The following MECOM variants were observed in gnomAD, a reference collection of about 807,000 sequenced individuals.
MECOM encodes histone-lysine N-methyltransferase MECOM.
Under a neutral mutation model 116.3 loss-of-function variants are expected in MECOM, and 13 were observed. That is an observed-to-expected ratio of 0.11 (90% CI 0.07 to 0.18). The LOEUF is 0.18. Among genes scored for constraint, MECOM ranks in the 10% least tolerant of loss-of-function variants. MECOM has a pLI of 1.00. For missense variants in MECOM, 1,299 were observed against 1,509.0 expected, an observed-to-expected ratio of 0.86 and a Z score of 2.31; for synonymous variants, 528 against 535.2, an observed-to-expected ratio of 0.99 and a Z score of 0.19.
chr3:169,590,159 CTAAG>C (rs1766239678), intron 1 of MECOM, among the ~76,000 whole-genome samples: 1 of 152,140 alleles, frequency 6.6e-6, no homozygotes, highest in African/African-American at 2.4e-5. Context: ...AAAACAAACT[CTAAG>C]TAAGCATTAG....
At chr3:169,423,962 CAT>C in intron 1 of MECOM, among the ~76,000 whole-genome samples, 1 of 152,204 alleles carries the variant, frequency 6.6e-6, no homozygotes, top group South Asian at 2.1e-4. Flanking sequence ...TGTGCCCTGA[CAT>C]AGTGGATGAT....
chr3:169,130,322 C>A (rs562559180), intron 4 of MECOM, among the ~76,000 whole-genome samples: 2 of 152,134 alleles, frequency 1.3e-5, no homozygotes, highest in Non-Finnish European at 2.9e-5. Context: ...CTCCTTGCTG[C>A]CGAAGAGCCC....
Position 169,116,504 on chromosome 3 carries a change from C to T in MECOM, c.1368G>A (p.Met456Ile), listed in dbSNP as rs1327639643. 1.9e-6 allele frequency: 3 copies of T among 1,614,180 alleles called. No homozygotes were observed. Among genetic ancestry groups the T allele is most frequent in the South Asian group, 2.2e-5 (2 of 91,082 alleles). The change falls in exon 8 of 17, where the codon ATG becomes ATA. Residue 456 changes from methionine to isoleucine, a missense_variant. Physicochemically the swap from Met to Ile is conservative, Grantham distance 10. Coordinates refer to ENST00000651503, the MANE Select transcript of MECOM (RefSeq NM_004991.4). The part of the protein sequence containing the change: ...PGTPAMDKTS[M>I]VNMSHANPGL... Reference sequence around the variant, plus strand: ...CCGGGTTGGCATGACTCATATTAACCATGGACGTTTTATCCATAGCTGGGG... The same window carrying T: ...CCGGGTTGGCATGACTCATATTAACTATGGACGTTTTATCCATAGCTGGGG...
chr3:169,086,565 C>G, intron 16 of MECOM: 4 of 701,366 alleles, frequency 5.7e-6, no homozygotes, highest in Non-Finnish European at 1.0e-5. Context: ...TTACTTTCCT[C>G]CTATAAAACA....
intron 1 of MECOM, among the ~76,000 whole-genome samples, chr3:169,487,109 A>C (rs1412233635): frequency 6.6e-6 from 1 of 152,132 alleles, no homozygotes; most frequent in Non-Finnish European, 1.5e-5. Flanking sequence ...AAAAAGAGTA[A>C]AATAAAGATA....
At chr3:169,321,237 G>A (rs1353413203) in intron 2 of MECOM, among the ~76,000 whole-genome samples, 3 of 152,196 alleles carry the variant, frequency 2.0e-5, no homozygotes, top group African/African-American at 7.2e-5. Context: ...GATAGGAAAA[G>A]TGCTGTTAGA....
intron 2 of MECOM, among the ~76,000 whole-genome samples, chr3:169,149,018 T>C (rs1740641849): frequency 6.6e-6 from 1 of 151,400 alleles, no homozygotes; most frequent in African/African-American, 2.4e-5. Flanking sequence ...CTTTAAGAGC[T>C]CCTGGTTCGT....
At chr3:169,451,637 G>A (rs1429414915) in intron 1 of MECOM, among the ~76,000 whole-genome samples, 1 of 152,086 alleles carries the variant, frequency 6.6e-6, no homozygotes, top group Non-Finnish European at 1.5e-5. Flanking sequence ...AGGTCTCAAT[G>A]AGCAATGTTA....
chr3:169,285,046 C>A (rs1485761515), intron 2 of MECOM, among the ~76,000 whole-genome samples: 1 of 152,166 alleles, frequency 6.6e-6, no homozygotes, highest in Admixed American at 6.5e-5. Context: ...CAGGAGAAAT[C>A]TGACCTCTCT....
intron 2 of MECOM, among the ~76,000 whole-genome samples, chr3:169,296,442 A>G (rs1213516899): frequency 2.0e-5 from 3 of 152,202 alleles, no homozygotes; most frequent in African/African-American, 7.2e-5. Flanking sequence ...CTTGCTCTGT[A>G]AGAAGCCATG....
chr3:169,654,289 G>A (rs537334063), intron 1 of MECOM, among the ~76,000 whole-genome samples: 1 of 152,264 alleles, frequency 6.6e-6, no homozygotes, highest in South Asian at 2.1e-4. Flanking sequence ...TACAACTCAT[G>A]ATAATAAACA....
At chr3:169,421,381 G>A (rs756627356) in intron 1 of MECOM, among the ~76,000 whole-genome samples, 1 of 152,102 alleles carries the variant, frequency 6.6e-6, no homozygotes, top group Non-Finnish European at 1.5e-5. Flanking sequence ...AGTACTTCTA[G>A]ATTGCTGTGC....
chr3:169,224,802 C>G (rs1392163925), intron 2 of MECOM, among the ~76,000 whole-genome samples: 1 of 152,164 alleles, frequency 6.6e-6, no homozygotes, highest in Admixed American at 6.5e-5. Context: ...CTGAAAAGCC[C>G]CATGGGCTGT....
intron 1 of MECOM, among the ~76,000 whole-genome samples, chr3:169,481,163 C>G (rs1324687992): frequency 6.6e-6 from 1 of 152,096 alleles, no homozygotes; most frequent in Non-Finnish European, 1.5e-5. Flanking sequence ...AAGCTGAACA[C>G]AAATCTACTA....
chr3:169,129,892 A>G (rs1188599471), intron 4 of MECOM, among the ~76,000 whole-genome samples: 1 of 152,208 alleles, frequency 6.6e-6, no homozygotes, highest in Non-Finnish European at 1.5e-5. Context: ...TTCTATGCAT[A>G]AAAGAGTAAA....
intron 1 of MECOM, among the ~76,000 whole-genome samples, chr3:169,470,602 T>C (rs76156606): frequency 0.037 from 5,583 of 152,068 alleles, 336 homozygotes; most frequent in African/African-American, 0.13. Context: ...GGGAAGAAAG[T>C]GATATGTATT....
chr3:169,440,195 T>C (rs4955654), intron 1 of MECOM, among the ~76,000 whole-genome samples: 6,561 of 128,352 alleles, frequency 0.051, 450 homozygotes, highest in East Asian at 0.24. Flanking sequence ...ATATATCATA[T>C]ATGTTATGTT....
chr3:169,382,289 A>C (rs1187948510), intron 1 of MECOM, among the ~76,000 whole-genome samples: 4 of 152,102 alleles, frequency 2.6e-5, no homozygotes, highest in Non-Finnish European at 5.9e-5. Context: ...GAAATGAGGG[A>C]GATCAGAAAC....
intron 2 of MECOM, among the ~76,000 whole-genome samples, chr3:169,216,577 TAAA>T (rs527868465): frequency 3.0e-5 from 4 of 133,834 alleles, no homozygotes; most frequent in East Asian, 2.2e-4. Context: ...CCTTCTCTAG[TAAA>T]AAAAAAAAAA....
Sources: gnomAD v4.1 joint callset for allele counts (sites outside exome capture counted in the v4.1 genomes callset) on GRCh38, gnomAD v4.1.1 for gene constraint, MANE v1.5 for transcripts, NCBI Gene and HGNC (gene_info 2026-07-23, HGNC 2026-07-21) for gene names.